Variants in CCDC191 observed in about 807,000 individuals in gnomAD.
CCDC191 encodes the protein coiled-coil domain containing 191.
Under a neutral mutation model 114.0 loss-of-function variants are expected in CCDC191, and 99 were observed. The ratio of observed to expected loss-of-function variants is 0.87; its 90% CI spans 0.74 to 1.03. The LOEUF is 1.03. Among genes scored for constraint, CCDC191 ranks in the 50% least tolerant of loss-of-function variants. The pLI, the probability that CCDC191 is intolerant of heterozygous loss-of-function variation, is 0.00. For missense variants in CCDC191, 973 were observed against 1,087.0 expected (o/e 0.90, Z 1.47); for synonymous variants, 351 against 376.0 (o/e 0.93, Z 0.77).
chr3:114,003,503 C>T (rs929105660), intron 11 of CCDC191: 6 of 985,120 alleles, frequency 6.1e-6, no homozygotes, highest in African/African-American at 3.5e-5. Context: ...AGTAAGAGAC[C>T]CCTAAGAAGC....
intron 9 of CCDC191, among the ~76,000 whole-genome samples, chr3:114,008,326 C>A (rs1395551444): frequency 6.6e-6 from 1 of 151,496 alleles, no homozygotes; most frequent in Non-Finnish European, 1.5e-5. Context: ...GGGGAAGGGA[C>A]CAAAATGTTA....
chr3:113,970,486 C>G (rs1940688950), intron 16 of CCDC191, among the ~76,000 whole-genome samples: 1 of 152,030 alleles, frequency 6.6e-6, no homozygotes, highest in Admixed American at 6.6e-5. Context: ...TTTCTCTTGT[C>G]TAACTGCTCT....
At chr3:113,991,129 A>G (rs954040997) in intron 13 of CCDC191, among the ~76,000 whole-genome samples, 6 of 151,326 alleles carry the variant, frequency 4.0e-5, no homozygotes, top group Non-Finnish European at 7.4e-5. Context: ...CCAGCTACTC[A>G]GGAGGCCAAG....
intron 7 of CCDC191, among the ~76,000 whole-genome samples, chr3:114,024,928 G>GC (rs1280464505): frequency 6.6e-6 from 1 of 152,104 alleles, no homozygotes; most frequent in African/African-American, 2.4e-5. Context: ...CAATGTAAAA[G>GC]CAATACCCCA....
chr3:113,990,313 T>C (rs1469815093), intron 13 of CCDC191, among the ~76,000 whole-genome samples: 1 of 152,182 alleles, frequency 6.6e-6, no homozygotes, highest in African/African-American at 2.4e-5. Flanking sequence ...CTATGACCTC[T>C]GTTCCAAGAG....
chr3:113,970,317 T>A (rs1396077717), intron 16 of CCDC191, among the ~76,000 whole-genome samples: 1 of 152,156 alleles, frequency 6.6e-6, no homozygotes. Flanking sequence ...TTTAGCTTCT[T>A]CCTTTTCAAT....
chr3:113,976,546 C>T (rs1188910951), intron 16 of CCDC191, among the ~76,000 whole-genome samples: 1 of 151,840 alleles, frequency 6.6e-6, no homozygotes, highest in Non-Finnish European at 1.5e-5. Flanking sequence ...CCAAATGAAT[C>T]TCTCAGCCTG....
rs1577329872 is a variant in CCDC191 at position 113,978,181 on chromosome 3, C to G, written c.2606+5G>C. 6.2e-7 allele frequency: 1 copy of G among 1,613,832 alleles called. No homozygotes were observed. Among genetic ancestry groups the G allele is most frequent in the Non-Finnish European group, 8.5e-7 (1 of 1,179,848 alleles). ...AGTGAATTTTCCTCACTATCAAAAC[C>G]TCACCTGTCACTGTGCTCCGCTGCA... is the stretch of plus-strand genomic sequence containing the variant. On this transcript the variant is annotated splice_donor_5th_base_variant and intron_variant, in intron 16 of 16. Coordinates refer to ENST00000295878, the MANE Select transcript of CCDC191 (RefSeq NM_020817.2).
chr3:114,009,437 G>C (rs918612023), intron 9 of CCDC191, among the ~76,000 whole-genome samples: 2 of 151,690 alleles, frequency 1.3e-5, no homozygotes, highest in African/African-American at 4.8e-5. Context: ...TTTTTAAAGA[G>C]GTTGTTTTTT....
rs2076504886 is a variant in CCDC191 at position 114,037,711 on chromosome 3, A to G, written c.416-925T>C. Reference sequence around the variant, plus strand: ...GATGTTCAAAAATCCATGATATCAAATGGTGTTGCATTTGCCTATAAACTA... The same window carrying G: ...GATGTTCAAAAATCCATGATATCAAGTGGTGTTGCATTTGCCTATAAACTA... On this transcript the variant is annotated intron_variant, in intron 4 of 16. Transcript: ENST00000295878. Among the ~76,000 whole-genome samples, 4 of 152,100 alleles carry G rather than the reference A, an allele frequency of 2.6e-5. No individual in the cohort carries two copies. In the South Asian group the frequency reaches 8.3e-4, roughly 32 times the overall value.
Position 114,042,701 on chromosome 3 carries a change from A to C in CCDC191, c.415+2T>G. ...ACTTAGAACAATCAGGTAAGTTCTT[A>C]CCATCAAACTTGTCATATTTCAAAT... On this transcript the variant is annotated splice_donor_variant, in intron 4 of 16. Transcript: ENST00000295878. LOFTEE classifies it high-confidence loss of function. 6.4e-7 allele frequency: 1 copy of C among 1,569,938 alleles called. No homozygotes were observed. The highest frequency in any genetic ancestry group is 8.6e-7 in the Non-Finnish European group (1 of 1,164,124).
Position 114,005,729 on chromosome 3 carries a change from C to G in CCDC191, c.1647G>C (p.Leu549Phe). The change falls in exon 10 of 17, where the codon TTG (leucine) becomes TTC (phenylalanine). Residue 549 changes from leucine (L) to phenylalanine (F), a missense_variant. Coordinates refer to ENST00000295878, the MANE Select transcript of CCDC191 (RefSeq NM_020817.2). ...TTSQKAEPLC[L>F]GHFHNRHVFQ... Reference sequence around the variant, plus strand: ...AGACATGGCGGTTGTGGAAATGACCCAAGCAAAGCGGTTCTGCTTTCTGGC... The same window carrying G: ...AGACATGGCGGTTGTGGAAATGACCGAAGCAAAGCGGTTCTGCTTTCTGGC... 3 of 1,614,112 alleles carry G rather than the reference C, an allele frequency of 1.9e-6. No individual in the cohort carries two copies. The East Asian group carries it at 6.7e-5, about 36-fold the overall frequency.
chr3:114,013,113 G>A (rs1419614788), intron 8 of CCDC191, among the ~76,000 whole-genome samples: 1 of 152,082 alleles, frequency 6.6e-6, no homozygotes, highest in Non-Finnish European at 1.5e-5. Context: ...GGGCGTGGTG[G>A]TGAGTGCCTG....
chr3:114,020,895 A>C (rs1303020235), intron 7 of CCDC191, among the ~76,000 whole-genome samples: 28 of 152,160 alleles, frequency 1.8e-4, no homozygotes, highest in Admixed American at 1.8e-3. Context: ...TTCTTTGTAA[A>C]GTTCAAAGCA....
At chr3:114,004,588 C>T (rs760170279) in intron 11 of CCDC191, 49 bp downstream of exon 11, 5 of 1,594,486 alleles carry the variant, frequency 3.1e-6, no homozygotes, top group Non-Finnish European at 3.4e-6. Flanking sequence ...ACATTCTACT[C>T]TAGGAGAGAA....
At chr3:114,008,735 A>T (rs1419966766) in intron 9 of CCDC191, among the ~76,000 whole-genome samples, 1 of 152,182 alleles carries the variant, frequency 6.6e-6, no homozygotes, top group Admixed American at 6.6e-5. Flanking sequence ...GAACTCTTAT[A>T]AATAAGAAAA....
intron 13 of CCDC191, among the ~76,000 whole-genome samples, chr3:113,994,096 T>C (rs1276135753): frequency 6.6e-6 from 1 of 152,206 alleles, no homozygotes; most frequent in African/African-American, 2.4e-5. Context: ...GTGAATGACA[T>C]TGTTAAGTGA....
chr3:114,051,937 T>C (rs1428626300), intron 2 of CCDC191, among the ~76,000 whole-genome samples: 1 of 152,230 alleles, frequency 6.6e-6, no homozygotes, highest in African/African-American at 2.4e-5. Context: ...ATGGTAACTA[T>C]GTCAATGTAA....
intron 13 of CCDC191, among the ~76,000 whole-genome samples, chr3:113,998,387 C>T (rs570192824): frequency 7.7e-4 from 117 of 151,784 alleles, no homozygotes; most frequent in Admixed American, 1.7e-3. Flanking sequence ...AAGAAAGCAT[C>T]GCTATCATAG....
Sources: gnomAD v4.1 joint callset for allele counts (sites outside exome capture counted in the v4.1 genomes callset) on GRCh38, gnomAD v4.1.1 for gene constraint, MANE v1.5 for transcripts, NCBI Gene and HGNC (gene_info 2026-07-23, HGNC 2026-07-21) for gene names.